NFIB: variants seen among roughly 807,000 people sequenced by gnomAD.
The protein encoded by NFIB is nuclear factor 1 B-type.
In NFIB, 11 loss-of-function variants were observed where a neutral mutation model predicts 61.5. The ratio of observed to expected loss-of-function variants is 0.18; its 90% confidence interval spans 0.11 to 0.30. NFIB has a LOEUF of 0.30. Ranked by LOEUF, NFIB falls within the 10% of genes least tolerant of loss-of-function variation. NFIB has a pLI of 1.00. For missense variants in NFIB, 471 were observed against 608.9 expected (o/e 0.77, Z 2.38); for synonymous variants, 260 against 216.5 (o/e 1.20, Z -1.76).
chr9:14,186,111 A>G (rs970631776), intron 2 of NFIB, among the ~76,000 whole-genome samples: 6 of 152,210 alleles, frequency 3.9e-5, no homozygotes, highest in African/African-American at 1.4e-4. Context: ...TTAATTTATA[A>G]TGAGTTTGGT....
At chr9:14,459,945 T>C in the NFIB span, among the ~76,000 whole-genome samples, 1 of 152,062 alleles carries the variant, frequency 6.6e-6, no homozygotes, top group Non-Finnish European at 1.5e-5. Flanking sequence ...TCAACCATTG[T>C]GGAAGTCAGT....
the NFIB span, among the ~76,000 whole-genome samples, chr9:14,514,307 C>T: frequency 6.1e-5 from 8 of 131,408 alleles, no homozygotes; most frequent in African/African-American, 2.2e-4. Flanking sequence ...GGAACACACA[C>T]ATACACATAC....
chr9:14,310,841 G>C (rs1309546918), intron 1 of NFIB, among the ~76,000 whole-genome samples: 1 of 151,988 alleles, frequency 6.6e-6, no homozygotes, highest in East Asian at 1.9e-4. Context: ...AATTCCACTA[G>C]GCATATTTAT....
the NFIB span, among the ~76,000 whole-genome samples, chr9:14,519,618 G>C: frequency 2.3e-3 from 347 of 152,106 alleles, 1 homozygote; most frequent in Non-Finnish European, 4.2e-3. Context: ...ATTTTACTGC[G>C]GTGCGTTGTG....
chr9:14,095,040 A>T (rs1214163199), intron 10 of NFIB, among the ~76,000 whole-genome samples: 1 of 152,152 alleles, frequency 6.6e-6, no homozygotes, highest in East Asian at 1.9e-4. Flanking sequence ...ATATGGGAGC[A>T]CTGCCACTAA....
intron 2 of NFIB, among the ~76,000 whole-genome samples, chr9:14,269,689 T>A (rs955050041): frequency 6.6e-6 from 1 of 152,216 alleles, no homozygotes; most frequent in Non-Finnish European, 1.5e-5. Flanking sequence ...AGTTCTACAA[T>A]TGGTGGCTTT....
chr9:14,454,556 A>G, the NFIB span, among the ~76,000 whole-genome samples: 23 of 152,058 alleles, frequency 1.5e-4, no homozygotes, highest in African/African-American at 5.6e-4. Context: ...ATGTTTTCTT[A>G]CCATTTTCTC....
intron 2 of NFIB, among the ~76,000 whole-genome samples, chr9:14,296,726 A>G (rs2059466905): frequency 6.6e-6 from 1 of 152,202 alleles, no homozygotes; most frequent in Non-Finnish European, 1.5e-5. Flanking sequence ...GAACTGGGAG[A>G]AATAAGCTTT....
the NFIB span, among the ~76,000 whole-genome samples, chr9:14,507,710 GT>G: frequency 6.6e-6 from 1 of 152,148 alleles, no homozygotes; most frequent in Non-Finnish European, 1.5e-5. Context: ...AGAGTGTTAG[GT>G]TTTTTGAGGA....
chr9:14,213,400 C>A (rs1252217392), intron 2 of NFIB, among the ~76,000 whole-genome samples: 2 of 152,224 alleles, frequency 1.3e-5, no homozygotes, highest in African/African-American at 4.8e-5. Context: ...CCATTCTCCA[C>A]AGCAGTGGTT....
intron 2 of NFIB, among the ~76,000 whole-genome samples, chr9:14,297,583 T>A (rs1317698090): frequency 1.3e-5 from 2 of 152,254 alleles, no homozygotes; most frequent in Non-Finnish European, 2.9e-5. Flanking sequence ...ATTTTCTAGA[T>A]GGGAATGCAG....
intron 2 of NFIB, among the ~76,000 whole-genome samples, chr9:14,201,195 A>G (rs573580960): frequency 6.6e-6 from 1 of 152,280 alleles, no homozygotes; most frequent in South Asian, 2.1e-4. Flanking sequence ...CATCCTCTGC[A>G]TAGCCACCAG....
chr9:14,285,161 C>T (rs963252930), intron 2 of NFIB, among the ~76,000 whole-genome samples: 6 of 152,298 alleles, frequency 3.9e-5, no homozygotes, highest in African/African-American at 1.4e-4. Context: ...CTTGCACTGA[C>T]ACCCAGGCTG....
chr9:14,126,026 A>C (rs1284430658), intron 6 of NFIB, among the ~76,000 whole-genome samples: 1 of 152,194 alleles, frequency 6.6e-6, no homozygotes, highest in Non-Finnish European at 1.5e-5. Context: ...TAAACTTCTA[A>C]AAACCCAAAG....
At chr9:14,148,169 C>A (rs1469943724) in intron 5 of NFIB, among the ~76,000 whole-genome samples, 1 of 152,108 alleles carries the variant, frequency 6.6e-6, no homozygotes, top group East Asian at 1.9e-4. Context: ...GTTGTCCAGG[C>A]TGGAGTGCAG....
chr9:14,254,886 C>T lies in NFIB; in HGVS notation c.562+52103G>A, dbSNP rs577712681. ...ATAATAATGATCTTTTGCTCCTCTT[C>T]AGTGAACTTCAGACAAGTACCTTAA... On this transcript the variant is annotated intron_variant, in intron 2 of 10. Transcript: ENST00000380953. Among the ~76,000 whole-genome samples, 5 of 152,244 alleles carry T rather than the reference C, an allele frequency of 3.3e-5. No homozygotes were observed. In the East Asian group the frequency reaches 7.7e-4, roughly 24 times the overall value.
intron 2 of NFIB, among the ~76,000 whole-genome samples, chr9:14,189,599 T>TA (rs34433215): frequency 3.3e-4 from 47 of 144,566 alleles, no homozygotes; most frequent in African/African-American, 7.0e-4. Flanking sequence ...CTCCCCCTCC[T>TA]AAAAAAAAAA....
In NFIB at chr9:14,273,320, G is replaced by C. The variant is rs991957665; in HGVS notation, c.562+33669C>G. On this transcript the variant is annotated intron_variant, in intron 2 of 10. Coordinates refer to ENST00000380953, the MANE Select transcript of NFIB (RefSeq NM_001190737.2). ...GTATCCTTTAAGGTAACATGGGCCA[G>C]TGTCTGAGGTGGAGTGGAAGACTCG... Among the ~76,000 whole-genome samples the C allele has an allele frequency of 7.2e-5, 11 of 152,210 alleles. No homozygotes were observed. In the South Asian group the frequency reaches 2.3e-3, roughly 31 times the overall value.
chr9:14,164,370 T>C (rs2044544743), intron 3 of NFIB, among the ~76,000 whole-genome samples: 1 of 152,038 alleles, frequency 6.6e-6, no homozygotes, highest in Admixed American at 6.6e-5. Flanking sequence ...GCTATATGCA[T>C]GAAATTGCAT....
Sources: gnomAD v4.1 joint callset for allele counts (sites outside exome capture counted in the v4.1 genomes callset) on GRCh38, gnomAD v4.1.1 for gene constraint, MANE v1.5 for transcripts, NCBI Gene and HGNC (gene_info 2026-07-23, HGNC 2026-07-21) for gene names.